The following BOK variants were observed in gnomAD, a reference collection of about 807,000 sequenced individuals.
BOK encodes BCL2 family apoptosis regulator BOK.
BOK carries 20 observed loss-of-function variants against 18.3 expected under a neutral mutation model. That is an observed-to-expected ratio of 1.09 (90% CI 0.77 to 1.59). The LOEUF is 1.59. Among genes scored for constraint, BOK ranks in the 40% most tolerant of loss-of-function variants. The pLI is 0.00. For missense variants in BOK, 348 were observed against 307.9 expected, an observed-to-expected ratio of 1.13 and a Z score of -0.97; for synonymous variants, 173 against 142.4, an observed-to-expected ratio of 1.21 and a Z score of -1.53.
rs1018131540 is a variant in BOK at position 241,566,781 on chromosome 2, T to C, written c.350-3344T>C. Among the ~76,000 whole-genome samples the C allele has an allele frequency of 6.7e-5, 9 of 134,728 alleles. 2 individuals carry two copies. Among genetic ancestry groups the C allele is most frequent in the Non-Finnish European group, 7.9e-5 (5 of 63,006 alleles). 88.4% of individuals were successfully genotyped at this position (134,728 alleles called of 152,430 possible). A position where few individuals can be genotyped will look rare whatever the true frequency, so the allele number is the denominator to read the frequency against. Reference sequence around the variant, plus strand: ...TGAACAAGCCGTGTGATTACACTTATGTGAAATTTTCAGGGTAGGTAAATC... The same window carrying C: ...TGAACAAGCCGTGTGATTACACTTACGTGAAATTTTCAGGGTAGGTAAATC... On this transcript the variant is annotated intron_variant, in intron 3 of 4. Coordinates refer to ENST00000318407, the MANE Select transcript of BOK (RefSeq NM_032515.5).
intron 1 of BOK, 62 bp from the exon 2 acceptor site, chr2:241,559,388 CCGGCG>C: frequency 9.4e-7 from 1 of 1,064,698 alleles, no homozygotes; most frequent in Non-Finnish European, 1.2e-6. Flanking sequence ...CACGCCCAGC[CCGGCG>C]CCCCGCGCGC....
In BOK at chr2:241,568,660, T is replaced by C. The variant is rs570274281; in HGVS notation, c.350-1465T>C. On this transcript the variant is annotated intron_variant, in intron 3 of 4. Coordinates refer to ENST00000318407, the MANE Select transcript of BOK (RefSeq NM_032515.5). ...CTTGAACTCCTGACCTCAGGTGATCTGCCCACCTCGGCCTTCCAAGGTGCT... is the reference window on the plus strand; with the variant it reads ...CTTGAACTCCTGACCTCAGGTGATCCGCCCACCTCGGCCTTCCAAGGTGCT... 5.9e-5 allele frequency among the ~76,000 whole-genome samples: 9 copies of C among 152,104 alleles called. No individual in the cohort carries two copies. The East Asian group carries it at 1.7e-3, about 29-fold the overall frequency.
intron 3 of BOK, among the ~76,000 whole-genome samples, chr2:241,565,189 C>A (rs1207619004): frequency 6.6e-6 from 1 of 152,064 alleles, no homozygotes; most frequent in East Asian, 1.9e-4. Flanking sequence ...GCATCCCCCA[C>A]CCCACCCAGC....
intron 3 of BOK, among the ~76,000 whole-genome samples, chr2:241,566,189 C>T (rs2066608534): frequency 6.6e-6 from 1 of 152,002 alleles, no homozygotes; most frequent in South Asian, 2.1e-4. Context: ...GAGGCTGAGA[C>T]AGGAGAATCG....
At chr2:241,565,024 G>T (rs1387990311) in intron 3 of BOK, among the ~76,000 whole-genome samples, 2 of 152,180 alleles carry the variant, frequency 1.3e-5, no homozygotes, top group Non-Finnish European at 2.9e-5. Context: ...GCACCTGGGG[G>T]CCAGGGAGGG....
chr2:241,566,163 A>C (rs2066607997), intron 3 of BOK, among the ~76,000 whole-genome samples: 1 of 152,062 alleles, frequency 6.6e-6, no homozygotes, highest in South Asian at 2.1e-4. Flanking sequence ...ACATGCCTGT[A>C]ATCTCAGCTA....
chr2:241,558,280 G>C (rs973392556), upstream of BOK, among the ~76,000 whole-genome samples: 1 of 151,934 alleles, frequency 6.6e-6, no homozygotes, highest in Non-Finnish European at 1.5e-5. Context: ...GCTTCTAAAA[G>C]GAAATACAGG....
chr2:241,555,403 T>A (rs1394419079), upstream of BOK, among the ~76,000 whole-genome samples: 2 of 147,374 alleles, frequency 1.4e-5, no homozygotes, highest in Non-Finnish European at 3.0e-5. Flanking sequence ...TGAGACAAAG[T>A]CTCGTTCTGT....
intron 2 of BOK, among the ~76,000 whole-genome samples, chr2:241,561,222 C>T (rs2066522679): frequency 6.6e-6 from 1 of 152,254 alleles, no homozygotes; most frequent in Admixed American, 6.5e-5. Flanking sequence ...TGCGGACTCC[C>T]AATCCCAGGG....
At chr2:241,564,003 G>T (rs1281958617) in intron 3 of BOK, among the ~76,000 whole-genome samples, 1 of 152,206 alleles carries the variant, frequency 6.6e-6, no homozygotes, top group Admixed American at 6.6e-5. Context: ...ACAGAGCGGG[G>T]CTGACACCCT....
chr2:241,571,010 C>T (rs2066708937), intron 4 of BOK, among the ~76,000 whole-genome samples: 1 of 131,200 alleles, frequency 7.6e-6, no homozygotes, highest in Non-Finnish European at 1.6e-5. Context: ...GGTGGGAGAG[C>T]TGGGGTGCGA....
Position 241,552,904 on chromosome 2 carries a change from G to A in BOK, n.54+1427G>A, listed in dbSNP as rs143085392. 6.6e-5 allele frequency among the ~76,000 whole-genome samples: 10 copies of A among 152,300 alleles called. No homozygotes were observed. The East Asian group carries it at 1.7e-3, about 27-fold the overall frequency. ...ACGGAGGGGTGCCAGCCTGGGGCAC[G>A]TGCAGACACACACTACCCAGCAGAA... On this transcript the variant is annotated intron_variant and non_coding_transcript_variant, in intron 1 of 1. Coordinates refer to the BOK transcript ENST00000641230.
intron 3 of BOK, 41 bp from the exon 4 acceptor site, chr2:241,570,084 C>T (rs200920960): frequency 5.0e-5 from 80 of 1,588,780 alleles, no homozygotes; most frequent in Admixed American, 3.3e-4. Flanking sequence ...CTCCCGTGGG[C>T]GGGATTCAAG....
chr2:241,569,161 C>T (rs1367998485), intron 3 of BOK, among the ~76,000 whole-genome samples: 9 of 152,174 alleles, frequency 5.9e-5, no homozygotes, highest in East Asian at 3.9e-4. Flanking sequence ...GACGGGGTCT[C>T]GCTCTGTCGC....
upstream of BOK, among the ~76,000 whole-genome samples, chr2:241,556,581 CAA>C (rs55866928): frequency 1.4e-4 from 12 of 86,776 alleles, no homozygotes; most frequent in Non-Finnish European, 1.5e-4. Context: ...GACTCCGTCT[CAA>C]AAAAAAAAAA....
At position 241,562,956 on chromosome 2, in the gene BOK, T is replaced by C. The variant is rs1358049669; in HGVS notation, c.349+480T>C. 6.6e-6 allele frequency among the ~76,000 whole-genome samples: 1 copy of C among 152,212 alleles called. No individual in the cohort carries two copies. Among genetic ancestry groups the C allele is most frequent in the Non-Finnish European group, 1.5e-5 (1 of 68,032 alleles). ...TACCCTCAGAAGTCACGGGTAACTCTGCTGGATTCTGATGGTCAGAAGCGA... is the reference window on the plus strand; with the variant it reads ...TACCCTCAGAAGTCACGGGTAACTCCGCTGGATTCTGATGGTCAGAAGCGA... On this transcript the variant is annotated intron_variant, in intron 3 of 4. Coordinates refer to ENST00000318407, the MANE Select transcript of BOK (RefSeq NM_032515.5). The surrounding 1 kb of genome is among the most constrained non-coding windows in gnomAD (Gnocchi z 4.5).
chr2:241,554,804 C>T (rs2066438495), upstream of BOK, among the ~76,000 whole-genome samples: 1 of 152,230 alleles, frequency 6.6e-6, no homozygotes, highest in Admixed American at 6.5e-5. Flanking sequence ...CAACCGACCT[C>T]TCTCTGGTCA....
At chr2:241,565,784 ATGT>A (rs1029381732) in intron 3 of BOK, among the ~76,000 whole-genome samples, 2 of 152,116 alleles carry the variant, frequency 1.3e-5, no homozygotes, top group South Asian at 2.1e-4. Context: ...AGGCCAACAA[ATGT>A]TGTTTCTGGC....
intron 2 of BOK, among the ~76,000 whole-genome samples, chr2:241,561,262 C>T (rs1299873182): frequency 3.3e-5 from 5 of 152,250 alleles, no homozygotes; most frequent in African/African-American, 9.6e-5. Flanking sequence ...CCATCTGCCC[C>T]GTGCCTGTGC....
Sources: gnomAD v4.1 joint callset for allele counts (sites outside exome capture counted in the v4.1 genomes callset) on GRCh38, gnomAD v4.1.1 for gene constraint, Gnocchi (gnomAD v3.1) non-coding constraint, MANE v1.5 for transcripts, NCBI Gene and HGNC (gene_info 2026-07-23, HGNC 2026-07-21) for gene names.